The following COMMD1 variants were observed in gnomAD, a reference collection of about 807,000 sequenced individuals.
COMMD1 encodes COMM domain-containing protein 1.
In COMMD1, 10 loss-of-function variants were observed where a neutral mutation model predicts 17.2. That is an observed-to-expected ratio of 0.58 (90% confidence interval 0.36 to 0.99). The LOEUF is 0.99. Ranked by LOEUF, COMMD1 falls within the 50% of genes least tolerant of loss-of-function variation. The probability of loss-of-function intolerance (pLI) is 0.01; values close to 1 mark genes in which losing one functional copy is unlikely to be tolerated. For synonymous variants in COMMD1, 97 were observed against 91.6 expected, an observed-to-expected ratio of 1.06 and a Z score of -0.34; for missense variants, 270 against 231.8, an observed-to-expected ratio of 1.17 and a Z score of -1.07.
intron 2 of COMMD1, among the ~76,000 whole-genome samples, chr2:62,014,263 A>G (rs1210319282): frequency 6.6e-6 from 1 of 152,148 alleles, no homozygotes; most frequent in Non-Finnish European, 1.5e-5. Context: ...CTTGAGAGGA[A>G]GCCAGGAAGC....
intron 1 of COMMD1, among the ~76,000 whole-genome samples, chr2:61,896,127 G>C (rs1286099816): frequency 3.3e-5 from 5 of 152,166 alleles, no homozygotes; most frequent in Non-Finnish European, 5.9e-5. Context: ...GGATAACAAA[G>C]ACTCAGGTAA....
At chr2:62,070,914 C>T (rs570685942) in intron 2 of COMMD1, among the ~76,000 whole-genome samples, 136 of 152,044 alleles carry the variant, frequency 8.9e-4, no homozygotes, top group Non-Finnish European at 1.7e-3. Flanking sequence ...GCCTGTAGTC[C>T]CACCTGCTTG....
chr2:62,007,682 C>T (rs1489711746), intron 2 of COMMD1, among the ~76,000 whole-genome samples: 2 of 152,138 alleles, frequency 1.3e-5, no homozygotes, highest in Non-Finnish European at 2.9e-5. Flanking sequence ...AAGCAATAGG[C>T]TATACCATAT....
chr2:62,016,101 G>C (rs944241001), intron 2 of COMMD1, among the ~76,000 whole-genome samples: 14 of 152,068 alleles, frequency 9.2e-5, no homozygotes, highest in Non-Finnish European at 1.9e-4. Flanking sequence ...CCAAAGTGCT[G>C]GGATTACATG....
chr2:62,016,624 A>G (rs142383420), intron 2 of COMMD1, among the ~76,000 whole-genome samples: 466 of 151,750 alleles, frequency 3.1e-3, no homozygotes, highest in African/African-American at 0.01. Context: ...TATCAATCAC[A>G]TATTAGATAT....
chr2:62,088,030 A>G (rs1671718029), intron 2 of COMMD1, among the ~76,000 whole-genome samples: 2 of 152,164 alleles, frequency 1.3e-5, no homozygotes. Context: ...TAACTACCAG[A>G]GTCCGCATCC....
At chr2:62,038,450 C>T (rs772770627) in intron 2 of COMMD1, among the ~76,000 whole-genome samples, 7 of 152,032 alleles carry the variant, frequency 4.6e-5, no homozygotes, top group East Asian at 1.9e-4. Context: ...ATCACAATAA[C>T]GTATGGCTTT....
chr2:62,081,918 G>A (rs1227617885), intron 2 of COMMD1, among the ~76,000 whole-genome samples: 1 of 151,910 alleles, frequency 6.6e-6, no homozygotes, highest in East Asian at 1.9e-4. Context: ...TCTGTTTTGG[G>A]TTTTTATGTT....
At position 61,944,559 on chromosome 2, in the gene COMMD1, C is replaced by T. The variant is rs533733387; in HGVS notation, c.180+38701C>T. On this transcript the variant is annotated intron_variant, in intron 1 of 2. Transcript: ENST00000311832. The stretch of plus-strand genomic sequence containing the variant: ...AGCTTAGCTAAACCAGCTAAGACCA[C>T]TTCCTGTAAACTGTCCTCAGCCACT... Among the ~76,000 whole-genome samples the T allele has an allele frequency of 1.9e-3, 292 of 152,334 alleles. 1 individual carries two copies. Among genetic ancestry groups the T allele is most frequent in the African/African-American group, 6.6e-3 (273 of 41,566 alleles).
At chr2:61,974,671 CAA>C (rs1276306424) in intron 1 of COMMD1, among the ~76,000 whole-genome samples, 20 of 52,312 alleles carry the variant, frequency 3.8e-4, no homozygotes, top group Admixed American at 6.1e-4. Flanking sequence ...GACTCCATCT[CAA>C]AAAAAAAAAA....
intron 2 of COMMD1, among the ~76,000 whole-genome samples, chr2:62,049,811 A>G (rs1403485202): frequency 6.6e-6 from 1 of 152,114 alleles, no homozygotes; most frequent in Non-Finnish European, 1.5e-5. Context: ...ATTTCAATGG[A>G]GTGATTAATG....
At chr2:61,995,888 C>T (rs566509388) in intron 1 of COMMD1, among the ~76,000 whole-genome samples, 1 of 152,108 alleles carries the variant, frequency 6.6e-6, no homozygotes, top group African/African-American at 2.4e-5. Context: ...CTCGGAAATA[C>T]CTTGGGTTTG....
chr2:62,067,788 C>T (rs1226151253), intron 2 of COMMD1, among the ~76,000 whole-genome samples: 1 of 152,124 alleles, frequency 6.6e-6, no homozygotes, highest in African/African-American at 2.4e-5. Flanking sequence ...ACACCTGTCA[C>T]TTTGAGGATC....
chr2:61,905,862 CTGCTCTTTTCT>C lies in COMMD1; in HGVS notation c.180+5_180+15del, dbSNP rs762252452. 6.2e-7 allele frequency: 1 copy of C among 1,614,074 alleles called. No homozygotes were observed. Among genetic ancestry groups the C allele is most frequent in the East Asian group, 2.2e-5 (1 of 44,888 alleles). On this transcript the variant is annotated splice_donor_5th_base_variant and intron_variant, in intron 1 of 2. Coordinates refer to ENST00000311832, the MANE Select transcript of COMMD1 (RefSeq NM_152516.4). ...AAAGATGAGGGGGATTCTTAAGGTA[CTGCTCTTTTCT>C]GTAGTCTCCGGCTTGGAGCAGAACC... is the stretch of plus-strand genomic sequence containing the variant.
intron 2 of COMMD1, among the ~76,000 whole-genome samples, chr2:62,052,694 A>G (rs1334536761): frequency 6.6e-6 from 1 of 152,194 alleles, no homozygotes; most frequent in East Asian, 1.9e-4. Flanking sequence ...CATTTGGGCC[A>G]AAGGGACAGC....
At chr2:62,054,660 T>C (rs1012315423) in intron 2 of COMMD1, among the ~76,000 whole-genome samples, 3 of 152,010 alleles carry the variant, frequency 2.0e-5, no homozygotes, top group Non-Finnish European at 4.4e-5. Context: ...AAAAATGTGT[T>C]CAGGTGAATG....
intron 1 of COMMD1, among the ~76,000 whole-genome samples, chr2:61,921,880 GA>G (rs779592954): frequency 1.3e-5 from 2 of 152,128 alleles, no homozygotes; most frequent in Non-Finnish European, 2.9e-5. Flanking sequence ...GTGCAAACTG[GA>G]AGATTGGTTT....
upstream of COMMD1, among the ~76,000 whole-genome samples, chr2:61,901,692 C>T (rs1040794285): frequency 2.0e-5 from 3 of 152,108 alleles, no homozygotes; most frequent in Non-Finnish European, 2.9e-5. Flanking sequence ...CTTTTTATTA[C>T]AACAGTATTA....
intron 1 of COMMD1, among the ~76,000 whole-genome samples, chr2:61,933,232 A>G (rs1670515778): frequency 6.6e-6 from 1 of 151,264 alleles, no homozygotes; most frequent in Non-Finnish European, 1.5e-5. Flanking sequence ...GCTTGTATCC[A>G]CAATGCTCAG....
Sources: gnomAD v4.1 joint callset for allele counts (sites outside exome capture counted in the v4.1 genomes callset) on GRCh38, gnomAD v4.1.1 for gene constraint, MANE v1.5 for transcripts, NCBI Gene and HGNC (gene_info 2026-07-23, HGNC 2026-07-21) for gene names.